Variants in PLPPR1 observed in about 807,000 individuals in gnomAD.
PLPPR1 encodes the protein phospholipid phosphatase-related protein type 1.
In PLPPR1, 10 loss-of-function variants were observed where a neutral mutation model predicts 33.1. The ratio of observed to expected loss-of-function variants is 0.30; its 90% CI spans 0.19 to 0.51. PLPPR1 has a LOEUF of 0.51. Ranked by LOEUF, PLPPR1 falls within the 20% of genes least tolerant of loss-of-function variation. PLPPR1 has a pLI of 0.97. For synonymous variants in PLPPR1, 151 were observed against 151.0 expected, an observed-to-expected ratio of 1.00 and a Z score of 0.00; for missense variants, 304 against 408.1, an observed-to-expected ratio of 0.74 and a Z score of 2.20.
intron 1 of PLPPR1, among the ~76,000 whole-genome samples, chr9:101,093,873 A>T (rs893337834): frequency 6.6e-6 from 1 of 152,194 alleles, no homozygotes; most frequent in Non-Finnish European, 1.5e-5. Flanking sequence ...TCCAGCTCCA[A>T]TGCAACATTT....
intron 7 of PLPPR1, 53 bp downstream of exon 7, chr9:101,317,549 G>C (rs929408637): frequency 6.9e-5 from 108 of 1,554,482 alleles, no homozygotes; most frequent in Non-Finnish European, 9.2e-5. Flanking sequence ...CACTTTGGGA[G>C]GTCAGTATCA....
intron 3 of PLPPR1, among the ~76,000 whole-genome samples, chr9:101,271,740 C>T (rs987382412): frequency 2.0e-5 from 3 of 152,142 alleles, no homozygotes; most frequent in African/African-American, 4.8e-5. Context: ...ATAAGCATAT[C>T]GCTTTCCTGT....
At chr9:101,091,422 C>G (rs1830740315) in intron 1 of PLPPR1, among the ~76,000 whole-genome samples, 2 of 152,260 alleles carry the variant, frequency 1.3e-5, no homozygotes, top group South Asian at 2.1e-4. Context: ...CTTCTGGAGG[C>G]TCTGGGGGAG....
rs570418120 is a variant in PLPPR1, at chr9:101,210,828, C to T, written c.63+25271C>T. Among the ~76,000 whole-genome samples, 67 of 152,246 alleles carry T rather than the reference C, an allele frequency of 4.4e-4. No homozygotes were observed. In the South Asian group the frequency reaches 0.014, roughly 31 times the overall value. On this transcript the variant is annotated intron_variant, in intron 2 of 7. Transcript: ENST00000374874. Reference sequence around the variant, plus strand: ...TGTCGCCCAGGCTGGAGTGCAGTGGCGCGATCTCAGCTCACTGCAAGCTCC... The same window carrying T: ...TGTCGCCCAGGCTGGAGTGCAGTGGTGCGATCTCAGCTCACTGCAAGCTCC...
chr9:101,211,678 A>C (rs1485346470), intron 2 of PLPPR1, among the ~76,000 whole-genome samples: 1 of 152,194 alleles, frequency 6.6e-6, no homozygotes, highest in Non-Finnish European at 1.5e-5. Flanking sequence ...CTGTGACTTC[A>C]GTTCTTCTGG....
At chr9:101,200,908 A>G in intron 2 of PLPPR1, among the ~76,000 whole-genome samples, 1 of 152,232 alleles carries the variant, frequency 6.6e-6, no homozygotes, top group East Asian at 1.9e-4. Context: ...ACATGTTATT[A>G]GACCCAATTT....
chr9:101,111,636 T>C (rs116878723), intron 1 of PLPPR1, among the ~76,000 whole-genome samples: 1,602 of 152,342 alleles, frequency 0.011, 10 homozygotes, highest in Middle Eastern at 0.02. Flanking sequence ...GATTTATTTA[T>C]TTTGCTAAGA....
chr9:101,036,798 GCCT>G (rs1359679446), intron 1 of PLPPR1, among the ~76,000 whole-genome samples: 1 of 151,832 alleles, frequency 6.6e-6, no homozygotes. Context: ...TTTTCAGTAG[GCCT>G]CCTATGTACC....
At chr9:101,285,093 C>T (rs1183025932) in intron 3 of PLPPR1, among the ~76,000 whole-genome samples, 2 of 152,104 alleles carry the variant, frequency 1.3e-5, no homozygotes, top group Non-Finnish European at 2.9e-5. Context: ...ATCTTGTGAG[C>T]CTGAAAAGAC....
chr9:101,152,558 C>T (rs946530345), intron 1 of PLPPR1, among the ~76,000 whole-genome samples: 1 of 152,130 alleles, frequency 6.6e-6, no homozygotes, highest in African/African-American at 2.4e-5. Flanking sequence ...TTTAATTCAT[C>T]TTGAATTAAT....
At chr9:101,287,987 G>A (rs1291446838) in intron 4 of PLPPR1, among the ~76,000 whole-genome samples, 1 of 152,132 alleles carries the variant, frequency 6.6e-6, no homozygotes, top group Non-Finnish European at 1.5e-5. Flanking sequence ...TTAAAGCAGA[G>A]ATTTATTGCA....
intron 1 of PLPPR1, among the ~76,000 whole-genome samples, chr9:101,125,247 C>CCTATCTCTATTTATCT (rs138811291): frequency 6.6e-6 from 1 of 151,988 alleles, no homozygotes; most frequent in Non-Finnish European, 1.5e-5. Flanking sequence ...CCTGCAAGTC[C>CCTATCTCTATTTATCT]CTATCTCTAT....
intron 2 of PLPPR1, among the ~76,000 whole-genome samples, chr9:101,238,381 T>C (rs1222088497): frequency 7.0e-6 from 1 of 142,378 alleles, no homozygotes; most frequent in African/African-American, 2.7e-5. Context: ...ATATATAGGG[T>C]ATATATATAT....
chr9:101,063,440 A>G (rs1392124572), intron 1 of PLPPR1, among the ~76,000 whole-genome samples: 2 of 152,020 alleles, frequency 1.3e-5, no homozygotes, highest in African/African-American at 2.4e-5. Flanking sequence ...CCCACATGCT[A>G]TTGGCCAAGA....
Position 101,078,129 on chromosome 9 carries a change from A to G in PLPPR1, c.-46+49027A>G, listed in dbSNP as rs1418554109. ...GAAGAAGAAGAAGAAGAAGAAGAAG[A>G]AGAAGAAGAAGAAGAAGAAGAAGAA... On this transcript the variant is annotated intron_variant, in intron 1 of 7. Coordinates refer to ENST00000374874, the MANE Select transcript of PLPPR1 (RefSeq NM_207299.2). 5.8e-3 allele frequency among the ~76,000 whole-genome samples: 87 copies of G among 14,952 alleles called. 6 individuals are homozygous for G. Among genetic ancestry groups the G allele is most frequent in the East Asian group, 0.019 (3 of 158 alleles). The allele number at this position is 14,952 out of a possible 152,430, so 9.8% of individuals were successfully genotyped here. A position where few individuals can be genotyped will look rare whatever the true frequency, so the allele number is the denominator to read the frequency against.
chr9:101,323,261 A>G (rs1307596094), intron 7 of PLPPR1, among the ~76,000 whole-genome samples: 1 of 151,970 alleles, frequency 6.6e-6, no homozygotes, highest in Non-Finnish European at 1.5e-5. Flanking sequence ...TCGGAAGGCC[A>G]AGGTGGGAGG....
intron 1 of PLPPR1, among the ~76,000 whole-genome samples, chr9:101,039,942 A>G (rs994446217): frequency 2.1e-5 from 3 of 145,550 alleles, no homozygotes; most frequent in Non-Finnish European, 3.0e-5. Context: ...AAAAAAAAAT[A>G]GAGACTTAAA....
At chr9:101,261,686 G>A (rs1415517105) in intron 2 of PLPPR1, among the ~76,000 whole-genome samples, 2 of 152,154 alleles carry the variant, frequency 1.3e-5, no homozygotes, top group Admixed American at 1.3e-4. Flanking sequence ...ATGAGATCAT[G>A]TCCTTCGCCG....
chr9:101,237,572 C>CTA (rs959268101), intron 2 of PLPPR1, among the ~76,000 whole-genome samples: 9 of 147,570 alleles, frequency 6.1e-5, no homozygotes, highest in African/African-American at 2.0e-4. Flanking sequence ...TACATATAGG[C>CTA]TATATATATA....
Sources: gnomAD v4.1 joint callset for allele counts (sites outside exome capture counted in the v4.1 genomes callset) on GRCh38, gnomAD v4.1.1 for gene constraint, MANE v1.5 for transcripts, NCBI Gene and HGNC (gene_info 2026-07-23, HGNC 2026-07-21) for gene names.